TCF19: variants seen among roughly 807,000 people sequenced by gnomAD.
The protein encoded by TCF19 is transcription factor SC1.
TCF19 carries 9 observed loss-of-function variants against 18.3 expected under a neutral mutation model. That is an observed-to-expected ratio of 0.49 (90% CI 0.30 to 0.86). The LOEUF is 0.86. TCF19 is among the 40% of genes least tolerant of loss of function. The pLI is 0.07. For missense variants in TCF19, 376 were observed against 464.3 expected, an observed-to-expected ratio of 0.81 and a Z score of 1.75; for synonymous variants, 176 against 185.3, an observed-to-expected ratio of 0.95 and a Z score of 0.41.
rs116493652 is a variant in TCF19, at chr6:31,164,019, G to A, written c.*1302G>A. 3,508 of 994,244 alleles carry A rather than the reference G, an allele frequency of 3.5e-3. 27 individuals are homozygous for A. The highest frequency in any genetic ancestry group is 0.022 in the African/African-American group (1,258 of 57,442). The allele number at this position is 994,244 out of a possible 1,614,324, so 61.6% of individuals were successfully genotyped here. A position where few individuals can be genotyped will look rare whatever the true frequency, so the allele number is the denominator to read the frequency against. ...GAAGTTTCTGGTTGGGGTGATCTAG[G>A]TTCAACAGAAATAAGATGATTTCTA... On this transcript the variant is annotated 3_prime_UTR_variant, in exon 4 of 4. Coordinates refer to ENST00000376257, the MANE Select transcript of TCF19 (RefSeq NM_007109.3).
Position 31,159,646 on chromosome 6 carries a change from A to G in TCF19, c.177A>G (p.Glu59=). 1 of 1,614,024 alleles carries G rather than the reference A, an allele frequency of 6.2e-7. No homozygotes were observed. Among genetic ancestry groups the G allele is most frequent in the South Asian group, 1.1e-5 (1 of 91,084 alleles). Residue 59 remains glutamate (E), a synonymous_variant, in exon 2 of 4, where the codon GAA becomes GAG. Coordinates refer to ENST00000376257, the MANE Select transcript of TCF19 (RefSeq NM_007109.3). ...EPGLISGIHA[E]LHAEPRGDDW... ...GCCTCATCTCTGGGATCCACGCCGA[A>G]CTGCATGCCGAGCCCCGGGGTGATG...
Position 31,162,857 on chromosome 6 carries a change from C to T in TCF19, c.*140C>T, listed in dbSNP as rs1776896193. 5 of 1,445,094 alleles carry T rather than the reference C, an allele frequency of 3.5e-6. No individual in the cohort carries two copies. Among genetic ancestry groups the T allele is most frequent in the Admixed American group, 2.7e-5 (1 of 37,390 alleles). The allele number at this position is 1,445,094 out of a possible 1,614,324, so 89.5% of individuals were successfully genotyped here. ...GGGAAGAAGGATGGATTGATGTGGA[C>T]TCATTCAGGGCCTGGAGCAGACCCT... On this transcript the variant is annotated 3_prime_UTR_variant, in exon 4 of 4. Coordinates refer to ENST00000376257, the MANE Select transcript of TCF19 (RefSeq NM_007109.3). The surrounding 1 kb of genome is among the most constrained non-coding windows in gnomAD (Gnocchi z 4.5).
rs1041599200 is a variant in TCF19 at position 31,159,125 on chromosome 6, A to G, written c.-345A>G. 5 of 344,786 alleles carry G rather than the reference A, an allele frequency of 1.5e-5. No individual in the cohort carries two copies. The highest frequency in any genetic ancestry group is 6.1e-5 in the South Asian group (1 of 16,360). The allele number at this position is 344,786 out of a possible 1,614,324, so 21.4% of individuals were successfully genotyped here. A position where few individuals can be genotyped will look rare whatever the true frequency, so the allele number is the denominator to read the frequency against. ...CCCGACACACACAGGAGCTGCCTAA[A>G]GTATCCTTGCCTTGCAGATTGGAGG... On this transcript the variant is annotated 5_prime_UTR_variant, in exon 2 of 4. Coordinates refer to ENST00000376257, the MANE Select transcript of TCF19 (RefSeq NM_007109.3).
chr6:31,163,309 G>A lies in TCF19; in HGVS notation c.*592G>A. 1.0e-6 allele frequency: 1 copy of A among 986,532 alleles called. No homozygotes were observed. The allele number at this position is 986,532 out of a possible 1,614,324, so 61.1% of individuals were successfully genotyped here. ...TTTCCAGGGAGAATGTGCTTGGCAAGGTCTGGAGAACTAATTCAGAATCTT... is the reference window on the plus strand; with the variant it reads ...TTTCCAGGGAGAATGTGCTTGGCAAAGTCTGGAGAACTAATTCAGAATCTT... On this transcript the variant is annotated 3_prime_UTR_variant, in exon 4 of 4. Coordinates refer to ENST00000376257, the MANE Select transcript of TCF19 (RefSeq NM_007109.3).
Position 31,162,637 on chromosome 6 carries a change from G to T in TCF19, c.958G>T (p.Ala320Ser), listed in dbSNP as rs752616793. Residue 320 changes from alanine (A) to serine (S), a missense_variant, in exon 4 of 4, where the codon GCC becomes TCC. Ala to Ser is a moderately conservative substitution (Grantham distance 99). Transcript: ENST00000376257. The surrounding 1 kb of genome is among the most constrained non-coding windows in gnomAD (Gnocchi z 4.5). ...TGGCTGTGACGTCTGGTTCCATGTG[G>T]CCTGTGTTGGCTGCAGCATCCAGGC... ...CDGCDVWFHVACVGCSIQAAR... is the reference protein window; with the variant it reads ...CDGCDVWFHVSCVGCSIQAAR... 5 of 1,612,814 alleles carry T rather than the reference G, an allele frequency of 3.1e-6. No individual in the cohort carries two copies. Among genetic ancestry groups the T allele is most frequent in the Non-Finnish European group, 4.2e-6 (5 of 1,180,018 alleles).
chr6:31,160,674 A>T (rs1776702515), intron 2 of TCF19, among the ~76,000 whole-genome samples: 1 of 151,730 alleles, frequency 6.6e-6, no homozygotes, highest in Admixed American at 6.6e-5. Context: ...CAGCAGAATC[A>T]CTTGAACCCG....
In TCF19 at chr6:31,161,916, T is replaced by G. The variant is rs1776811881; in HGVS notation, c.708T>G (p.Asp236Glu). ...ACCGAGTGTTGGCGGAACTGGATGA[T>G]GAGAGTGAGCCTCCTGAGAACCCGC... ...SVHRVLAELD[D>E]ESEPPENPPP... Residue 236 changes from aspartate (D) to glutamate (E), a missense_variant, in exon 3 of 4, where the codon GAT becomes GAG. Asp to Glu is a conservative substitution (Grantham distance 45). Transcript: ENST00000376257. 6.2e-7 allele frequency: 1 copy of G among 1,613,014 alleles called. No homozygotes were observed. Among genetic ancestry groups the G allele is most frequent in the East Asian group, 2.2e-5 (1 of 44,882 alleles).
rs779643470 is a variant in TCF19, at chr6:31,159,546, G to A, written c.77G>A (p.Gly26Glu). 3 of 1,608,196 alleles carry A rather than the reference G, an allele frequency of 1.9e-6. No individual in the cohort carries two copies. The highest frequency in any genetic ancestry group is 1.1e-5 in the South Asian group (1 of 90,330). ...GDLYTFHPPA[G>E]AGCTYRLGHR... ...CTCTACACCTTCCACCCCCCCGCCG[G>A]GGCTGGCTGCACCTATCGCTTGGGC... Residue 26 changes from glycine to glutamate, a missense_variant, in exon 2 of 4, where the codon GGG becomes GAG. Physicochemically the swap from Gly to Glu is moderately conservative, Grantham distance 98. Transcript: ENST00000376257.
At position 31,162,259 on chromosome 6, in the gene TCF19, C is replaced by A. The variant is rs1776835387; in HGVS notation, c.798-218C>A. Among the ~76,000 whole-genome samples the A allele has an allele frequency of 6.6e-6, 1 of 152,086 alleles. No homozygotes were observed. Among genetic ancestry groups the A allele is most frequent in the South Asian group, 2.1e-4 (1 of 4,824 alleles). On this transcript the variant is annotated intron_variant, in intron 3 of 3. Transcript: ENST00000376257. The surrounding 1 kb of genome is among the most constrained non-coding windows in gnomAD (Gnocchi z 4.5). ...CTTTTTACATTCATATGGCTTTAAC[C>A]CCATTCTTCTAGTGCCTAAGGATGG...
At position 31,164,057 on chromosome 6, in the gene TCF19, T is replaced by C; in HGVS notation, c.*1340T>C. ...AAGATGATTTCTAAGTATAAAGCCA[T>C]TTAAGAATTCCAGAGTAGGGTGGGA... is the stretch of plus-strand genomic sequence containing the variant. On this transcript the variant is annotated 3_prime_UTR_variant, in exon 4 of 4. Transcript: ENST00000376257. 3.0e-6 allele frequency: 3 copies of C among 1,009,484 alleles called. No homozygotes were observed. Among genetic ancestry groups the C allele is most frequent in the Non-Finnish European group, 3.6e-6 (3 of 843,500 alleles). The allele number at this position is 1,009,484 out of a possible 1,614,324, so 62.5% of individuals were successfully genotyped here. A position where few individuals can be genotyped will look rare whatever the true frequency, so the allele number is the denominator to read the frequency against.
Position 31,161,728 on chromosome 6 carries a change from C to T in TCF19, c.520C>T (p.Leu174=), listed in dbSNP as rs947027874. The T allele has an allele frequency of 6.4e-7, 1 of 1,567,642 alleles. No homozygotes were observed. Among genetic ancestry groups the T allele is most frequent in the Admixed American group, 1.8e-5 (1 of 56,196 alleles). The change falls in exon 3 of 4, where the codon CTG becomes TTG. Residue 174 remains leucine (L), a synonymous_variant. Transcript: ENST00000376257. ...STFSPAPKAT[L]ILNSIGSLSK... ...CTTCTCCCCTGCCCCCAAGGCCACA[C>T]TGATCCTAAACTCCATAGGCAGCCT...
In TCF19 at chr6:31,162,189, G is replaced by A. The variant is rs751260302; in HGVS notation, c.797+184G>A. ...ATATGTGCAGGAGAACATGAGAGGTGGGGTGGGGCAGTGCTTATAAAACAA... is the reference window on the plus strand; with the variant it reads ...ATATGTGCAGGAGAACATGAGAGGTAGGGTGGGGCAGTGCTTATAAAACAA... On this transcript the variant is annotated intron_variant, in intron 3 of 3. Coordinates refer to ENST00000376257, the MANE Select transcript of TCF19 (RefSeq NM_007109.3). This position sits in a 1 kb window ranked among gnomAD's most constrained non-coding sequence, Gnocchi z 4.5. 6.6e-6 allele frequency among the ~76,000 whole-genome samples: 1 copy of A among 152,204 alleles called. No homozygotes were observed. Among genetic ancestry groups the A allele is most frequent in the Non-Finnish European group, 1.5e-5 (1 of 68,046 alleles).
rs1776977942 is a variant in TCF19 at position 31,163,862 on chromosome 6, C to G, written c.*1145C>G. On this transcript the variant is annotated 3_prime_UTR_variant, in exon 4 of 4. Transcript: ENST00000376257. ...GGAAGAAATGACTCTGGGGCAAAGA[C>G]CCCTAATGAACTAGTGGCAGAGCCA... The G allele has an allele frequency of 1.0e-6, 1 of 985,128 alleles. No homozygotes were observed. Among genetic ancestry groups the G allele is most frequent in the African/African-American group, 1.7e-5 (1 of 57,156 alleles). The allele number at this position is 985,128 out of a possible 1,614,324, so 61.0% of individuals were successfully genotyped here.
Position 31,161,914 on chromosome 6 carries a change from G to A in TCF19, c.706G>A (p.Asp236Asn). 1 of 1,613,012 alleles carries A rather than the reference G, an allele frequency of 6.2e-7. No homozygotes were observed. The highest frequency in any genetic ancestry group is 8.5e-7 in the Non-Finnish European group (1 of 1,180,014). Residue 236 changes from aspartate to asparagine, a missense_variant, in exon 3 of 4, where the codon GAT becomes AAT. Physicochemically the swap from Asp to Asn is conservative, Grantham distance 23 (BLOSUM62 1). Transcript: ENST00000376257. ...SVHRVLAELD[D>N]ESEPPENPPP... ...TCACCGAGTGTTGGCGGAACTGGATGATGAGAGTGAGCCTCCTGAGAACCC... is the reference window on the plus strand; with the variant it reads ...TCACCGAGTGTTGGCGGAACTGGATAATGAGAGTGAGCCTCCTGAGAACCC...
Position 31,162,494 on chromosome 6 carries a change from CT to C in TCF19, c.816del (p.Arg273GlyfsTer5). ...LTPTGNRRGRPRKYPVSAPMA... is the reference protein window; with the variant it reads ...LTPTGNRRGRXRKYPVSAPMA... ...TCCTTCAGAAATCGACGTGGCCGTC[CT>C]CGGAAGTACCCAGTGAGCGCTCCCA... On this transcript the variant is annotated frameshift_variant, in exon 4 of 4. Transcript: ENST00000376257. LOFTEE classifies it low-confidence loss of function (END_TRUNC). The surrounding 1 kb of genome is among the most constrained non-coding windows in gnomAD (Gnocchi z 4.5). 6.2e-7 allele frequency: 1 copy of C among 1,610,442 alleles called. No individual in the cohort carries two copies. The highest frequency in any genetic ancestry group is 1.7e-4 in the Middle Eastern group (1 of 6,056).
chr6:31,162,789 A>G lies in TCF19; in HGVS notation c.*72A>G. The G allele has an allele frequency of 6.4e-7, 1 of 1,557,868 alleles. No individual in the cohort carries two copies. Among genetic ancestry groups the G allele is most frequent in the Admixed American group, 1.8e-5 (1 of 55,782 alleles). ...ACAGCAGCGAGCAAATAGGTCTGAT[A>G]AATACCCCCCTTCCCTTCCCTCCCC... is the stretch of plus-strand genomic sequence containing the variant. On this transcript the variant is annotated 3_prime_UTR_variant, in exon 4 of 4. Coordinates refer to ENST00000376257, the MANE Select transcript of TCF19 (RefSeq NM_007109.3). The surrounding 1 kb of genome is among the most constrained non-coding windows in gnomAD (Gnocchi z 4.5).
At position 31,162,517 on chromosome 6, in the gene TCF19, C is replaced by G; in HGVS notation, c.838C>G (p.Pro280Ala). 6.2e-7 allele frequency: 1 copy of G among 1,612,590 alleles called. No homozygotes were observed. Among genetic ancestry groups the G allele is most frequent in the African/African-American group, 1.3e-5 (1 of 74,930 alleles). ...GRPRKYPVSA[P>A]MAPPAVGGGE... Reference sequence around the variant, plus strand: ...TCCTCGGAAGTACCCAGTGAGCGCTCCCATGGCTCCCCCTGCAGTTGGGGG... The same window carrying G: ...TCCTCGGAAGTACCCAGTGAGCGCTGCCATGGCTCCCCCTGCAGTTGGGGG... Residue 280 changes from proline (P) to alanine (A), a missense_variant, in exon 4 of 4, where the codon CCC (proline) becomes GCC (alanine). By Grantham distance (27) the Pro-to-Ala change is conservative (BLOSUM62 -1). Coordinates refer to ENST00000376257, the MANE Select transcript of TCF19 (RefSeq NM_007109.3). The surrounding 1 kb of genome is among the most constrained non-coding windows in gnomAD (Gnocchi z 4.5).
chr6:31,163,945 A>C lies in TCF19; in HGVS notation c.*1228A>C. ...ATGGGCAGAGTATGCAAAAACCTTAAGTGGAAACCAAATAGACCCTGGTAT... is the reference window on the plus strand; with the variant it reads ...ATGGGCAGAGTATGCAAAAACCTTACGTGGAAACCAAATAGACCCTGGTAT... On this transcript the variant is annotated 3_prime_UTR_variant, in exon 4 of 4. Coordinates refer to ENST00000376257, the MANE Select transcript of TCF19 (RefSeq NM_007109.3). 2.0e-6 allele frequency: 2 copies of C among 986,306 alleles called. No homozygotes were observed. The highest frequency in any genetic ancestry group is 2.4e-6 in the Non-Finnish European group (2 of 830,546). The allele number at this position is 986,306 out of a possible 1,614,324, so 61.1% of individuals were successfully genotyped here.
At position 31,162,859 on chromosome 6, in the gene TCF19, C is replaced by T; in HGVS notation, c.*142C>T. ...GAAGAAGGATGGATTGATGTGGACT[C>T]ATTCAGGGCCTGGAGCAGACCCTGG... On this transcript the variant is annotated 3_prime_UTR_variant, in exon 4 of 4. Transcript: ENST00000376257. This position sits in a 1 kb window ranked among gnomAD's most constrained non-coding sequence, Gnocchi z 4.5. The T allele has an allele frequency of 1.4e-6, 2 of 1,439,348 alleles. No homozygotes were observed. Among genetic ancestry groups the T allele is most frequent in the Non-Finnish European group, 1.8e-6 (2 of 1,101,156 alleles). 89.2% of individuals were successfully genotyped at this position (1,439,348 alleles called of 1,614,324 possible).
Sources: gnomAD v4.1 joint callset for allele counts (sites outside exome capture counted in the v4.1 genomes callset) on GRCh38, gnomAD v4.1.1 for gene constraint, Gnocchi (gnomAD v3.1) non-coding constraint, MANE v1.5 for transcripts, NCBI Gene and HGNC (gene_info 2026-07-23, HGNC 2026-07-21) for gene names.